SPATA13: variants seen among roughly 807,000 people sequenced by gnomAD.
The protein encoded by SPATA13 is spermatogenesis-associated protein 13.
A neutral mutation model predicts 104.0 loss-of-function variants in SPATA13; 50 were observed. That is an observed-to-expected ratio of 0.48 (90% CI 0.38 to 0.61). The LOEUF (loss-of-function observed/expected upper bound fraction) is 0.61. Ranked by LOEUF, SPATA13 falls within the 20% of genes least tolerant of loss-of-function variation. SPATA13 has a pLI of 0.00. For missense variants in SPATA13, 1,524 were observed against 1,690.6 expected, an observed-to-expected ratio of 0.90 and a Z score of 1.73; for synonymous variants, 606 against 667.5, an observed-to-expected ratio of 0.91 and a Z score of 1.42.
At chr13:24,236,148 C>A (rs1241680852) in intron 2 of SPATA13, among the ~76,000 whole-genome samples, 1 of 152,192 alleles carries the variant, frequency 6.6e-6, no homozygotes, top group Non-Finnish European at 1.5e-5. Flanking sequence ...ATGTGGCTTG[C>A]AGACATGCTC....
chr13:24,038,198 C>T, intron 3 of SPATA13, among the ~76,000 whole-genome samples: 1 of 152,224 alleles, frequency 6.6e-6, no homozygotes, highest in East Asian at 1.9e-4. Flanking sequence ...CAGGCATGAG[C>T]CACCGCGCCC....
intron 3 of SPATA13, among the ~76,000 whole-genome samples, chr13:24,037,792 T>C (rs902425913): frequency 6.6e-6 from 1 of 152,060 alleles, no homozygotes; most frequent in African/African-American, 2.4e-5. Context: ...TGGATTAGCT[T>C]ATTGGGGGCC....
chr13:24,206,235 AC>A (rs1593417241), intron 1 of SPATA13, among the ~76,000 whole-genome samples: 1 of 152,240 alleles, frequency 6.6e-6, no homozygotes, highest in Middle Eastern at 3.4e-3. Context: ...CAAGAAAAAA[AC>A]AACACCATTA....
chr13:24,128,686 A>T (rs1216137190), intron 3 of SPATA13, among the ~76,000 whole-genome samples: 2 of 151,752 alleles, frequency 1.3e-5, no homozygotes, highest in Admixed American at 1.3e-4. Flanking sequence ...AAGAGAACCA[A>T]AAAGTATATT....
intron 1 of SPATA13, 92 bp from the exon 2 acceptor site, chr13:24,222,727 C>T: frequency 9.1e-7 from 1 of 1,102,870 alleles, no homozygotes; most frequent in Middle Eastern, 2.2e-4. Context: ...TTCATCTGAC[C>T]AGCCCTGTGC....
At chr13:24,109,333 C>T (rs1290899265) in intron 3 of SPATA13, among the ~76,000 whole-genome samples, 1 of 152,156 alleles carries the variant, frequency 6.6e-6, no homozygotes, top group East Asian at 1.9e-4. Context: ...GGATATGTGC[C>T]ACATTTTCTT....
chr13:24,151,447 T>C (rs771050942), intron 3 of SPATA13, among the ~76,000 whole-genome samples: 15 of 152,252 alleles, frequency 9.9e-5, no homozygotes, highest in Non-Finnish European at 1.8e-4. Context: ...AACCATGCAC[T>C]AGACAATAAT....
chr13:24,219,861 A>G (rs760569014), intron 1 of SPATA13, among the ~76,000 whole-genome samples: 34 of 152,256 alleles, frequency 2.2e-4, no homozygotes, highest in Middle Eastern at 3.4e-3. Flanking sequence ...TTTCCTTCCA[A>G]TGATACTGTT....
At position 24,284,244 on chromosome 13, in the gene SPATA13, C is replaced by T. The variant is rs199946437; in HGVS notation, c.2274C>T (p.Pro758=). The change falls in exon 5 of 13, where the codon CCC becomes CCT. Residue 758 remains proline (P), a synonymous_variant. Coordinates refer to ENST00000382108, the MANE Select transcript of SPATA13 (RefSeq NM_001166271.3). ...LCQASPRYLQ[P]GGEQLAINEL... is the part of the protein sequence containing the mutation. ...AGGCCAGCCCTCGGTACCTGCAGCC[C>T]GGCGGGGAGCAGCTGGCCATCAATG... is the stretch of plus-strand genomic sequence containing the variant. The T allele has an allele frequency of 2.4e-5, 38 of 1,613,506 alleles. 1 individual carries two copies. The highest frequency in any genetic ancestry group is 3.4e-4 in the Middle Eastern group (2 of 5,882).
At chr13:24,122,528 C>T (rs1881067656) in intron 3 of SPATA13, 2 of 1,597,044 alleles carry the variant, frequency 1.3e-6, no homozygotes, top group Non-Finnish European at 1.7e-6. Flanking sequence ...CTCCCCGGTT[C>T]CTCTGGTCAG....
At position 24,088,234 on chromosome 13, in the gene SPATA13, A is replaced by G. The variant is rs893279992; in HGVS notation, c.-112+70533A>G. 2.6e-5 allele frequency among the ~76,000 whole-genome samples: 4 copies of G among 152,168 alleles called. No homozygotes were observed. The highest frequency in any genetic ancestry group is 4.4e-5 in the Non-Finnish European group (3 of 68,022). On this transcript the variant is annotated intron_variant, in intron 3 of 14. Coordinates refer to the SPATA13 transcript ENST00000424834. The surrounding 1 kb of genome is among the most constrained non-coding windows in gnomAD (Gnocchi z 4.3). ...TCCCTAGGCAGCACTGGATGCCCAC[A>G]GTGTTTGAGGTAGGGATTGTTTGCA...
intron 1 of SPATA13, among the ~76,000 whole-genome samples, chr13:24,195,756 C>T (rs1396545838): frequency 2.6e-5 from 4 of 151,960 alleles, no homozygotes; most frequent in Admixed American, 6.6e-5. Context: ...TTTGCTTTCC[C>T]GAAGAGAGGA....
Position 24,278,121 on chromosome 13 carries a change from G to A in SPATA13, c.2165-6014G>A, listed in dbSNP as rs149458363. Among the ~76,000 whole-genome samples the A allele has an allele frequency of 2.3e-3, 357 of 152,266 alleles. 1 individual carries two copies. Among genetic ancestry groups the A allele is most frequent in the African/African-American group, 8.2e-3 (341 of 41,548 alleles). On this transcript the variant is annotated intron_variant, in intron 4 of 12. Coordinates refer to ENST00000382108, the MANE Select transcript of SPATA13 (RefSeq NM_001166271.3). ...GAGGGAACGGAGGGCAGGACATACG[G>A]CTGCTCTCCAGAATGGGAGCAAAAC...
At chr13:24,159,935 T>G (rs1882397798), upstream of SPATA13, among the ~76,000 whole-genome samples, 1 of 152,206 alleles carries the variant, frequency 6.6e-6, no homozygotes, top group Non-Finnish European at 1.5e-5. Flanking sequence ...CATGGAGCAC[T>G]GGGGCACAGA....
At chr13:24,126,267 G>C (rs564822867) in intron 3 of SPATA13, among the ~76,000 whole-genome samples, 3 of 152,286 alleles carry the variant, frequency 2.0e-5, no homozygotes, top group African/African-American at 7.2e-5. Flanking sequence ...GGGAGGGGTA[G>C]CTGGAGGTGG....
intron 3 of SPATA13, among the ~76,000 whole-genome samples, chr13:24,139,052 C>T (rs993564939): frequency 1.3e-5 from 2 of 152,130 alleles, no homozygotes; most frequent in Non-Finnish European, 2.9e-5. Context: ...CACTTTGGGA[C>T]GTGTCAGCAG....
chr13:24,104,249 T>TTTG (rs941908237), intron 3 of SPATA13, among the ~76,000 whole-genome samples: 1 of 151,924 alleles, frequency 6.6e-6, no homozygotes, highest in African/African-American at 2.4e-5. Flanking sequence ...GTTTTTTTTT[T>TTTG]TTGTTTTTTG....
At chr13:24,136,023 G>A (rs1881553864) in intron 3 of SPATA13, among the ~76,000 whole-genome samples, 1 of 152,170 alleles carries the variant, frequency 6.6e-6, no homozygotes, top group East Asian at 1.9e-4. Flanking sequence ...TAAGCTCTTG[G>A]TTGCCTTGAA....
intron 3 of SPATA13, among the ~76,000 whole-genome samples, chr13:24,023,156 C>T (rs1385624250): frequency 6.6e-6 from 1 of 152,102 alleles, no homozygotes; most frequent in East Asian, 1.9e-4. Flanking sequence ...GTTCAATTCC[C>T]ACCTATCAGT....
Sources: gnomAD v4.1 joint callset for allele counts (sites outside exome capture counted in the v4.1 genomes callset) on GRCh38, gnomAD v4.1.1 for gene constraint, Gnocchi (gnomAD v3.1) non-coding constraint, MANE v1.5 for transcripts, NCBI Gene and HGNC (gene_info 2026-07-23, HGNC 2026-07-21) for gene names.